SETBP1: variants seen among roughly 807,000 people sequenced by gnomAD.
SETBP1 encodes the protein SET binding protein 1, also known as SET-binding protein.
In SETBP1, 9 loss-of-function variants were observed where a neutral mutation model predicts 101.0. The observed-to-expected ratio is 0.09, with a 90% CI of 0.05 to 0.16. SETBP1 has a LOEUF of 0.16. Ranked by LOEUF, SETBP1 falls within the 10% of genes least tolerant of loss-of-function variation. The pLI is 1.00. For synonymous variants in SETBP1, 818 were observed against 788.5 expected (o/e 1.04, Z -0.63); for missense variants, 1,858 against 2,033.8 (o/e 0.91, Z 1.66).
At chr18:44,743,445 C>G (rs1162306256) in intron 2 of SETBP1, among the ~76,000 whole-genome samples, 5 of 152,126 alleles carry the variant, frequency 3.3e-5, no homozygotes, top group African/African-American at 1.2e-4. Context: ...AGAAAGTGCC[C>G]TTTTTGAATT....
At chr18:44,849,706 T>C (rs1829191726) in intron 2 of SETBP1, among the ~76,000 whole-genome samples, 1 of 151,764 alleles carries the variant, frequency 6.6e-6, no homozygotes, top group Non-Finnish European at 1.5e-5. Flanking sequence ...AGTTCAGCTC[T>C]CATCTTCATC....
At chr18:45,004,357 C>T (rs1263064563) in intron 4 of SETBP1, among the ~76,000 whole-genome samples, 1 of 152,196 alleles carries the variant, frequency 6.6e-6, no homozygotes, top group Non-Finnish European at 1.5e-5. Context: ...GATGATTGGC[C>T]TCATTGTACC....
intron 2 of SETBP1, among the ~76,000 whole-genome samples, chr18:44,710,290 A>C (rs1383108279): frequency 6.6e-6 from 1 of 152,068 alleles, no homozygotes; most frequent in Non-Finnish European, 1.5e-5. Context: ...TTTATTAGAC[A>C]CAAGTGGCTT....
intron 2 of SETBP1, among the ~76,000 whole-genome samples, chr18:44,758,656 A>G (rs996794621): frequency 1.3e-5 from 2 of 152,224 alleles, no homozygotes; most frequent in Non-Finnish European, 2.9e-5. Flanking sequence ...TGCTGGGATT[A>G]CAGGCGTGAG....
intron 2 of SETBP1, among the ~76,000 whole-genome samples, chr18:44,718,454 T>C (rs1048638558): frequency 6.6e-6 from 1 of 151,256 alleles, no homozygotes; most frequent in Non-Finnish European, 1.5e-5. Context: ...CTACTGAGTC[T>C]GAGAAAGATG....
chr18:44,945,533 G>A (rs888421585), intron 3 of SETBP1, among the ~76,000 whole-genome samples: 1 of 149,890 alleles, frequency 6.7e-6, no homozygotes. Flanking sequence ...CTTTTAAACT[G>A]CCATGAATTT....
At chr18:45,003,880 C>T (rs1050659668) in intron 4 of SETBP1, among the ~76,000 whole-genome samples, 1 of 152,126 alleles carries the variant, frequency 6.6e-6, no homozygotes, top group Non-Finnish European at 1.5e-5. Flanking sequence ...GTAGTCCTTT[C>T]GTAAGATAGT....
chr18:44,845,194 G>A (rs988134649), intron 2 of SETBP1, among the ~76,000 whole-genome samples: 1 of 152,098 alleles, frequency 6.6e-6, no homozygotes, highest in African/African-American at 2.4e-5. Context: ...TGTGGTTATT[G>A]GGCCAGATGA....
intron 5 of SETBP1, among the ~76,000 whole-genome samples, chr18:45,041,044 C>G (rs1295585599): frequency 6.6e-6 from 1 of 152,224 alleles, no homozygotes; most frequent in African/African-American, 2.4e-5. Flanking sequence ...GGCCAATGCT[C>G]TGTTTTACAT....
At chr18:44,817,402 A>G (rs2072002617) in intron 2 of SETBP1, among the ~76,000 whole-genome samples, 1 of 152,194 alleles carries the variant, frequency 6.6e-6, no homozygotes, top group African/African-American at 2.4e-5. Flanking sequence ...AGCCCAGTAA[A>G]GAGCTTCAAG....
chr18:44,975,180 C>T (rs994635734), intron 4 of SETBP1, among the ~76,000 whole-genome samples: 11 of 152,160 alleles, frequency 7.2e-5, no homozygotes, highest in Admixed American at 6.5e-4. Flanking sequence ...TCTTTCTGCA[C>T]TGAGAAAGAA....
rs747647882 is a variant in SETBP1, at chr18:45,038,515, A to G, written c.4031A>G (p.Gln1344Arg). Residue 1344 changes from glutamine (Q) to arginine (R), a missense_variant, in exon 5 of 6, where the codon CAG becomes CGG. Gln to Arg is a conservative substitution (Grantham distance 43). Transcript: ENST00000649279. Reference protein sequence around the residue: ...GMPSPHLKVDQTAVHSKNEGS... With the variant: ...GMPSPHLKVDRTAVHSKNEGS... ...CCAAGTCCCCACTTAAAAGTGGACC[A>G]GACAGCAGTGCATAGTAAGAACGAA... is the stretch of plus-strand genomic sequence containing the variant. The G allele has an allele frequency of 3.7e-6, 6 of 1,614,082 alleles. No individual in the cohort carries two copies. The African/African-American group carries it at 8.0e-5, about 22-fold the overall frequency.
At chr18:44,801,741 G>A (rs1000008773) in intron 2 of SETBP1, among the ~76,000 whole-genome samples, 1 of 151,204 alleles carries the variant, frequency 6.6e-6, no homozygotes, top group African/African-American at 2.4e-5. Flanking sequence ...AGAATGAGGT[G>A]TGCGAAAGGG....
chr18:44,765,628 A>G (rs2070750708), intron 2 of SETBP1, among the ~76,000 whole-genome samples: 1 of 152,216 alleles, frequency 6.6e-6, no homozygotes, highest in Non-Finnish European at 1.5e-5. Flanking sequence ...ATCATGCCCC[A>G]ATGACAGTAA....
intron 2 of SETBP1, among the ~76,000 whole-genome samples, chr18:44,726,337 A>T (rs1384311388): frequency 6.6e-6 from 1 of 152,216 alleles, no homozygotes; most frequent in Non-Finnish European, 1.5e-5. Context: ...GAAAGAGATT[A>T]TGAATAATCA....
intron 3 of SETBP1, among the ~76,000 whole-genome samples, chr18:44,883,578 G>A (rs150973478): frequency 7.9e-4 from 120 of 152,256 alleles, no homozygotes; most frequent in African/African-American, 2.7e-3. Flanking sequence ...TATGGCCAGA[G>A]GGCCTTTCCT....
rs147617883 is a variant in SETBP1 at position 44,728,042 on chromosome 18, T to G, written c.486+26210T>G. Among the ~76,000 whole-genome samples, 366 of 152,376 alleles carry G rather than the reference T, an allele frequency of 2.4e-3. 2 individuals are homozygous for G. The highest frequency in any genetic ancestry group is 3.5e-3 in the Non-Finnish European group (240 of 68,042). ...CACTTATTAGGTTCACTCTGAAGAA[T>G]TAATGAAGGCTATCTCAGGAAGAAA... is the stretch of plus-strand genomic sequence containing the variant. On this transcript the variant is annotated intron_variant, in intron 2 of 5. Transcript: ENST00000649279.
chr18:44,754,283 C>T (rs148224363), intron 2 of SETBP1, among the ~76,000 whole-genome samples: 66 of 152,242 alleles, frequency 4.3e-4, no homozygotes, highest in African/African-American at 1.5e-3. Context: ...CCTATTCCTC[C>T]AGATGTAGAA....
intron 3 of SETBP1, among the ~76,000 whole-genome samples, chr18:44,938,294 G>A (rs554724622): frequency 1.3e-5 from 2 of 152,312 alleles, no homozygotes; most frequent in African/African-American, 4.8e-5. Context: ...AGCCACTGCC[G>A]ATGTTATTAA....
Sources: gnomAD v4.1 joint callset for allele counts (sites outside exome capture counted in the v4.1 genomes callset) on GRCh38, gnomAD v4.1.1 for gene constraint, MANE v1.5 for transcripts, NCBI Gene and HGNC (gene_info 2026-07-23, HGNC 2026-07-21) for gene names.